The following MED13L variants were observed in gnomAD, a reference collection of about 807,000 sequenced individuals.
MED13L encodes mediator complex subunit 13L.
MED13L carries 7 observed loss-of-function variants against 220.9 expected under a neutral mutation model. The observed-to-expected ratio is 0.03, with a 90% confidence interval of 0.02 to 0.06. The LOEUF (loss-of-function observed/expected upper bound fraction) is 0.06, where lower values mean the gene tolerates loss of function less well. Ranked by LOEUF, MED13L falls within the 10% of genes least tolerant of loss-of-function variation. The pLI is 1.00. For synonymous variants in MED13L, 1,011 were observed against 1,015.2 expected, an observed-to-expected ratio of 1.00 and a Z score of 0.08; for missense variants, 1,965 against 2,760.5, an observed-to-expected ratio of 0.71 and a Z score of 6.46.
At chr12:116,081,011 A>G (rs181949109) in intron 4 of MED13L, among the ~76,000 whole-genome samples, 1 of 152,296 alleles carries the variant, frequency 6.6e-6, no homozygotes, top group Non-Finnish European at 1.5e-5. Context: ...ACTTTGCACA[A>G]TCCACATTTC....
chr12:116,270,637 C>G (rs1195537025), intron 1 of MED13L, among the ~76,000 whole-genome samples: 5 of 152,122 alleles, frequency 3.3e-5, no homozygotes, highest in Admixed American at 2.0e-4. Context: ...TTAATATTTA[C>G]TAAGATTAAT....
At chr12:115,997,482 C>A (rs1300848601) in intron 14 of MED13L, among the ~76,000 whole-genome samples, 1 of 152,200 alleles carries the variant, frequency 6.6e-6, no homozygotes, top group Non-Finnish European at 1.5e-5. Context: ...AGTGCAGTGG[C>A]CTGATCTTGA....
intron 4 of MED13L, among the ~76,000 whole-genome samples, chr12:116,054,197 CACACACACACACACAA>C (rs966854522): frequency 2.7e-5 from 4 of 149,742 alleles, no homozygotes; most frequent in African/African-American, 4.9e-5. Flanking sequence ...AACTATTACA[CACACACACACACACAA>C]ACACACACAC....
At chr12:116,082,172 C>T (rs1342936008) in intron 4 of MED13L, among the ~76,000 whole-genome samples, 1 of 152,112 alleles carries the variant, frequency 6.6e-6, no homozygotes, top group Non-Finnish European at 1.5e-5. Context: ...TCCCAATTTT[C>T]CACTTATTCT....
chr12:116,222,171 C>G (rs1868505602), intron 2 of MED13L, among the ~76,000 whole-genome samples: 1 of 152,142 alleles, frequency 6.6e-6, no homozygotes, highest in Non-Finnish European at 1.5e-5. Flanking sequence ...TGCATTTACA[C>G]AACAGTTAAA....
At chr12:116,025,814 T>C (rs1880353651) in intron 4 of MED13L, among the ~76,000 whole-genome samples, 1 of 152,178 alleles carries the variant, frequency 6.6e-6, no homozygotes, top group African/African-American at 2.4e-5. Context: ...GGTAACTAGT[T>C]AACAATAATG....
intron 20 of MED13L, 76 bp downstream of exon 20, chr12:115,984,104 T>C: frequency 7.0e-7 from 1 of 1,424,658 alleles, no homozygotes; most frequent in Non-Finnish European, 9.7e-7. Flanking sequence ...TAATGTTGCA[T>C]CTATAAAAGA....
chr12:116,093,375 C>T (rs1451779286), intron 4 of MED13L, among the ~76,000 whole-genome samples: 3 of 151,822 alleles, frequency 2.0e-5, no homozygotes, highest in African/African-American at 4.8e-5. Context: ...TCTAAAACTA[C>T]CTAATCAAAT....
chr12:116,271,941 C>T (rs1326861074), intron 1 of MED13L, among the ~76,000 whole-genome samples: 2 of 151,956 alleles, frequency 1.3e-5, no homozygotes, highest in Middle Eastern at 6.3e-3. Context: ...CTACTACTAG[C>T]TTAAAGAAGG....
chr12:116,275,834 T>G (rs1873771253), intron 1 of MED13L, among the ~76,000 whole-genome samples: 1 of 152,242 alleles, frequency 6.6e-6, no homozygotes, highest in Non-Finnish European at 1.5e-5. Context: ...TCCAATTATA[T>G]TCTACGCTTG....
intron 4 of MED13L, among the ~76,000 whole-genome samples, chr12:116,061,929 A>C (rs1189599960): frequency 1.3e-5 from 2 of 150,370 alleles, no homozygotes; most frequent in Non-Finnish European, 3.0e-5. Flanking sequence ...AATGGCGTGA[A>C]CCCGGGAGGC....
Position 116,015,131 on chromosome 12 carries a change from T to C in MED13L, c.1153A>G (p.Ile385Val). ...TACTTGGACTGGGTTCTGTTGAGGA[T>C]GCATTCCTTCCAGACTCGATGGACC... is the stretch of plus-strand genomic sequence containing the variant. ...HMVHRVWKEC[I>V]LNRTQSKRSQ... The change falls in exon 8 of 31, where the codon ATC becomes GTC. Residue 385 changes from isoleucine (I) to valine (V), a missense_variant. Physicochemically the swap from Ile to Val is conservative, Grantham distance 29. Around this residue, in one of 10 missense-constraint regions of MED13L, gnomAD observed 818 missense variants for 1,041.2 expected, o/e 0.79. Transcript: ENST00000281928. 6.2e-7 allele frequency: 1 copy of C among 1,613,832 alleles called. No homozygotes were observed. The highest frequency in any genetic ancestry group is 8.5e-7 in the Non-Finnish European group (1 of 1,179,798).
intron 13 of MED13L, 31 bp from the exon 14 acceptor site, chr12:116,003,133 T>A: frequency 6.3e-7 from 1 of 1,576,774 alleles, no homozygotes; most frequent in Non-Finnish European, 8.7e-7. Context: ...TAAAACAGAG[T>A]GACGTGTATA....
Position 116,008,978 on chromosome 12 carries a change from G to C in MED13L, c.1435C>G (p.Leu479Val), listed in dbSNP as rs200678134. The C allele has an allele frequency of 6.2e-7, 1 of 1,614,102 alleles. No homozygotes were observed. The highest frequency in any genetic ancestry group is 8.5e-7 in the Non-Finnish European group (1 of 1,180,004). ...TAERQEKGDK[L>V]QKRPLIPFHH... ...AATGGTATTAAGGGTCTCTTTTGCAGCTTGTCTCCTTTTTCCTGTCTTTCT... is the reference window on the plus strand; with the variant it reads ...AATGGTATTAAGGGTCTCTTTTGCACCTTGTCTCCTTTTTCCTGTCTTTCT... The change falls in exon 10 of 31, where the codon CTG becomes GTG. Residue 479 changes from leucine (L) to valine (V), a missense_variant. By Grantham distance (32) the Leu-to-Val change is conservative. Transcript: ENST00000281928.
At chr12:116,154,043 A>C (rs1003749805) in intron 2 of MED13L, among the ~76,000 whole-genome samples, 57 of 152,240 alleles carry the variant, frequency 3.7e-4, no homozygotes, top group Non-Finnish European at 1.2e-4. Context: ...TAGCAGAAAT[A>C]GTGGTAACAT....
At chr12:116,046,033 A>C (rs187611657) in intron 4 of MED13L, among the ~76,000 whole-genome samples, 1 of 152,172 alleles carries the variant, frequency 6.6e-6, no homozygotes, top group Non-Finnish European at 1.5e-5. Context: ...AAAAAGAAAA[A>C]GCAGGCTTAG....
At position 116,008,414 on chromosome 12, in the gene MED13L, T is replaced by C. The variant is rs1465270113; in HGVS notation, c.1999A>G (p.Thr667Ala). ...GAGCTGTCTTACCTTTGCAATGCAG[T>C]GCTCTCTGAGTTTACCTCCATTTTG... ...DAKMEVNSES[T>A]ALQRLLAQPN... is the part of the protein sequence containing the mutation. The change falls in exon 10 of 31, where the codon ACT (threonine) becomes GCT (alanine). Residue 667 changes from threonine to alanine, a missense_variant. Physicochemically the swap from Thr to Ala is moderately conservative, Grantham distance 58. This residue lies in a region of MED13L where 818 missense variants were observed against 1,041.2 expected (regional missense o/e 0.79). Transcript: ENST00000281928. The C allele has an allele frequency of 6.2e-7, 1 of 1,610,556 alleles. No homozygotes were observed. Among genetic ancestry groups the C allele is most frequent in the Non-Finnish European group, 8.5e-7 (1 of 1,178,980 alleles).
intron 2 of MED13L, among the ~76,000 whole-genome samples, chr12:116,208,333 T>G (rs958892386): frequency 2.0e-5 from 3 of 151,930 alleles, no homozygotes; most frequent in African/African-American, 7.2e-5. Flanking sequence ...GAGGTGGAGG[T>G]TGCAGTGAGC....
At chr12:116,049,732 T>C (rs1030257559) in intron 4 of MED13L, among the ~76,000 whole-genome samples, 4 of 152,160 alleles carry the variant, frequency 2.6e-5, no homozygotes, top group Non-Finnish European at 4.4e-5. Context: ...TTTAGGAAGG[T>C]GGACAAACTG....
Sources: gnomAD v4.1 joint callset for allele counts (sites outside exome capture counted in the v4.1 genomes callset) on GRCh38, gnomAD v4.1.1 for gene constraint, gnomAD v4.1.1 regional missense constraint, MANE v1.5 for transcripts, NCBI Gene and HGNC (gene_info 2026-07-23, HGNC 2026-07-21) for gene names.